ZMIZ1: variants seen among roughly 807,000 people sequenced by gnomAD.
The protein encoded by ZMIZ1 is zinc finger MIZ-type containing 1.
Under a neutral mutation model 113.9 loss-of-function variants are expected in ZMIZ1, and 17 were observed. The ratio of observed to expected loss-of-function variants is 0.15; its 90% confidence interval spans 0.10 to 0.22. The LOEUF is 0.22. Among genes scored for constraint, ZMIZ1 ranks in the 10% least tolerant of loss-of-function variants. The probability of loss-of-function intolerance (pLI) is 1.00; values close to 1 mark genes in which losing one functional copy is unlikely to be tolerated. For missense variants in ZMIZ1, 1,059 were observed against 1,477.8 expected (o/e 0.72, Z 4.65); for synonymous variants, 607 against 603.1 (o/e 1.01, Z -0.09).
chr10:79,147,063 A>C (rs550388785), intron 3 of ZMIZ1, among the ~76,000 whole-genome samples: 1 of 152,298 alleles, frequency 6.6e-6, no homozygotes, highest in South Asian at 2.1e-4. Context: ...GGCCAGCTGC[A>C]GCCAGGAGGC....
chr10:79,306,371 G>A (rs763022333), intron 22 of ZMIZ1, 27 bp downstream of exon 22: 2 of 1,601,278 alleles, frequency 1.2e-6, no homozygotes, highest in Non-Finnish European at 1.7e-6. Context: ...AGGGAGGAAG[G>A]GAGAAGGAGG....
chr10:79,210,061 C>A (rs373479290), intron 6 of ZMIZ1, among the ~76,000 whole-genome samples: 3 of 152,238 alleles, frequency 2.0e-5, no homozygotes, highest in Non-Finnish European at 4.4e-5. Context: ...CTCCGCCCCC[C>A]CAGCCCCCTA....
intron 2 of ZMIZ1, among the ~76,000 whole-genome samples, chr10:79,128,548 C>A (rs180695951): frequency 3.3e-5 from 5 of 152,242 alleles, no homozygotes; most frequent in African/African-American, 1.2e-4. Flanking sequence ...GCCCCTGGGG[C>A]CAGGAGGAGG....
intron 1 of ZMIZ1, among the ~76,000 whole-genome samples, chr10:79,096,101 A>G (rs1185201650): frequency 6.6e-6 from 1 of 152,212 alleles, no homozygotes; most frequent in East Asian, 1.9e-4. Context: ...AGCTTCCACC[A>G]GCCTTGCTGC....
chr10:79,090,757 G>A (rs1390454198), intron 1 of ZMIZ1, among the ~76,000 whole-genome samples: 2 of 152,364 alleles, frequency 1.3e-5, no homozygotes, highest in Admixed American at 1.3e-4. Flanking sequence ...CAAGGCTGAT[G>A]TGCATTGTGG....
chr10:79,253,034 C>A (rs1589494522), intron 7 of ZMIZ1, among the ~76,000 whole-genome samples: 2 of 152,290 alleles, frequency 1.3e-5, no homozygotes, highest in East Asian at 3.9e-4. Context: ...AAAGACACAT[C>A]CCCTCCCCTC....
intron 1 of ZMIZ1, among the ~76,000 whole-genome samples, chr10:79,078,667 CCTGAG>C (rs934357885): frequency 6.7e-6 from 1 of 148,734 alleles, no homozygotes; most frequent in African/African-American, 2.5e-5. Context: ...ACCACATCCT[CCTGAG>C]TAGCTGGGAC....
intron 23 of ZMIZ1, among the ~76,000 whole-genome samples, chr10:79,308,377 A>T (rs534859702): frequency 3.0e-4 from 45 of 152,300 alleles, no homozygotes; most frequent in African/African-American, 1.0e-3. Flanking sequence ...AAGCCTCCGG[A>T]GGCTGAAGTG....
intron 1 of ZMIZ1, among the ~76,000 whole-genome samples, chr10:79,078,542 C>T (rs1425782033): frequency 1.3e-5 from 2 of 149,146 alleles, no homozygotes; most frequent in Non-Finnish European, 3.0e-5. Context: ...CAGCCTTTCC[C>T]CAGACTACAG....
At chr10:79,285,335 C>A (rs1458993838) in intron 8 of ZMIZ1, 1 of 375,180 alleles carries the variant, frequency 2.7e-6, no homozygotes, top group African/African-American at 2.1e-5. Flanking sequence ...CAGCGGCAGC[C>A]AGCAGTTTCA....
At chr10:79,162,853 C>A (rs898317634) in intron 4 of ZMIZ1, among the ~76,000 whole-genome samples, 6 of 152,184 alleles carry the variant, frequency 3.9e-5, no homozygotes, top group Non-Finnish European at 1.5e-5. Flanking sequence ...CGAACTGGAC[C>A]CCCCGCCTGA....
At chr10:79,073,471 C>T (rs965469321) in intron 1 of ZMIZ1, among the ~76,000 whole-genome samples, 2 of 152,220 alleles carry the variant, frequency 1.3e-5, no homozygotes, top group Non-Finnish European at 2.9e-5. Context: ...CTGGAAGCCT[C>T]TGCCTTCAGT....
intron 2 of ZMIZ1, among the ~76,000 whole-genome samples, chr10:79,122,607 C>A (rs1050397515): frequency 2.6e-5 from 4 of 152,174 alleles, no homozygotes; most frequent in Non-Finnish European, 5.9e-5. Context: ...TCCCTTCCAA[C>A]CTTTACTCTG....
In ZMIZ1 at chr10:79,129,161, TC is replaced by T. The variant is rs558726961; in HGVS notation, c.-227+10142del. On this transcript the variant is annotated intron_variant, in intron 2 of 24. Transcript: ENST00000334512. ...TTAAGTACATTATTTAATGTCACTC[TC>T]CCCCACCTCCCAGCAACCATACACA... Among the ~76,000 whole-genome samples the T allele has an allele frequency of 9.9e-5, 15 of 152,194 alleles. No homozygotes were observed. The South Asian group carries it at 3.1e-3, about 32-fold the overall frequency.
chr10:79,229,263 G>A (rs566288764), intron 7 of ZMIZ1, among the ~76,000 whole-genome samples: 6 of 152,342 alleles, frequency 3.9e-5, no homozygotes, highest in South Asian at 2.1e-4. Context: ...GGGACAGGGC[G>A]GTGGCCAGGC....
chr10:79,137,534 G>T (rs1260499378), intron 2 of ZMIZ1, among the ~76,000 whole-genome samples: 1 of 152,186 alleles, frequency 6.6e-6, no homozygotes, highest in African/African-American at 2.4e-5. Context: ...GCAGGGGCGG[G>T]TGGGGCCGTG....
intron 1 of ZMIZ1, among the ~76,000 whole-genome samples, chr10:79,092,189 C>T (rs1843003473): frequency 6.6e-6 from 1 of 152,200 alleles, no homozygotes; most frequent in Admixed American, 6.5e-5. Context: ...TCCACCCAGC[C>T]TGTCTGCCTG....
intron 24 of ZMIZ1, among the ~76,000 whole-genome samples, chr10:79,311,567 G>A (rs1047064274): frequency 6.6e-5 from 10 of 152,038 alleles, no homozygotes; most frequent in African/African-American, 9.7e-5. Flanking sequence ...GGGAGAGGCC[G>A]TCTGTCTGCC....
intron 3 of ZMIZ1, among the ~76,000 whole-genome samples, chr10:79,153,857 T>C (rs1428659635): frequency 6.6e-6 from 1 of 152,240 alleles, no homozygotes; most frequent in Non-Finnish European, 1.5e-5. Flanking sequence ...CATTTTTAAC[T>C]CTGGGTCTTG....
Sources: allele counts gnomAD v4.1 joint callset (sites outside exome capture counted in the v4.1 genomes callset), GRCh38; gene constraint gnomAD v4.1.1; transcripts MANE v1.5; gene names NCBI Gene and HGNC (gene_info 2026-07-23, HGNC 2026-07-21).